The following TYW1 variants were observed in gnomAD, a reference collection of about 807,000 sequenced individuals.
TYW1 encodes the protein tRNA-yW synthesizing protein 1 homolog, also known as S-adenosyl-L-methionine-dependent tRNA 4-demethylwyosine synthase TYW1.
Under a neutral mutation model 96.2 loss-of-function variants are expected in TYW1, and 46 were observed. That is an observed-to-expected ratio of 0.48 (90% CI 0.38 to 0.61). The LOEUF is 0.61. Among genes scored for constraint, TYW1 ranks in the 20% least tolerant of loss-of-function variants. The pLI is 0.00. For missense variants in TYW1, 684 were observed against 909.6 expected (o/e 0.75, Z 3.19); for synonymous variants, 274 against 323.0 (o/e 0.85, Z 1.63).
At chr7:67,119,473 G>C (rs1318329799) in intron 13 of TYW1, among the ~76,000 whole-genome samples, 5 of 152,048 alleles carry the variant, frequency 3.3e-5, no homozygotes, top group African/African-American at 1.2e-4. Context: ...TTCTGCACAT[G>C]TACCCACCAC....
intron 8 of TYW1, 58 bp downstream of exon 8, chr7:67,050,124 T>C (rs754918100): frequency 1.9e-6 from 3 of 1,580,764 alleles, no homozygotes; most frequent in Non-Finnish European, 2.6e-6. Context: ...TCTCATTTGA[T>C]ACCTGGAATG....
chr7:67,069,024 C>T (rs1303814138), intron 10 of TYW1, among the ~76,000 whole-genome samples: 1 of 152,170 alleles, frequency 6.6e-6, no homozygotes, highest in Non-Finnish European at 1.5e-5. Flanking sequence ...ACTTTCTAGT[C>T]AATGTCATCT....
intron 2 of TYW1, 135 bp from the exon 3 acceptor site, chr7:66,998,682 A>G: frequency 9.4e-7 from 1 of 1,065,716 alleles, no homozygotes; most frequent in Non-Finnish European, 1.3e-6. Context: ...ACAACCAGAA[A>G]GATTAAGAGA....
chr7:67,222,317 TTACTG>T (rs1206122095), intron 15 of TYW1, among the ~76,000 whole-genome samples: 2 of 152,226 alleles, frequency 1.3e-5, no homozygotes, highest in Non-Finnish European at 2.9e-5. Context: ...CAGCTTCAAA[TTACTG>T]TCTAGTGCCC....
chr7:67,229,680 G>A (rs1801685218), intron 15 of TYW1, among the ~76,000 whole-genome samples: 1 of 152,196 alleles, frequency 6.6e-6, no homozygotes, highest in African/African-American at 2.4e-5. Flanking sequence ...CTGGCCAGGT[G>A]AGGTGGCTCA....
chr7:67,037,255 C>T (rs952535118), intron 7 of TYW1, among the ~76,000 whole-genome samples: 1 of 152,188 alleles, frequency 6.6e-6, no homozygotes, highest in South Asian at 2.1e-4. Flanking sequence ...CACCTGTCAT[C>T]CCAGCATTTT....
chr7:67,081,516 T>C (rs1390132276), intron 10 of TYW1, among the ~76,000 whole-genome samples: 1 of 151,990 alleles, frequency 6.6e-6, no homozygotes, highest in Non-Finnish European at 1.5e-5. Context: ...TTTTCAGCTT[T>C]TATTTCATTA....
intron 15 of TYW1, among the ~76,000 whole-genome samples, chr7:67,229,213 G>A (rs2116440959): frequency 6.6e-6 from 1 of 152,256 alleles, no homozygotes; most frequent in Non-Finnish European, 1.5e-5. Context: ...TGTTTAGACT[G>A]AATGCCAAGA....
chr7:67,207,138 G>A (rs1465651743), intron 15 of TYW1, among the ~76,000 whole-genome samples: 1 of 152,168 alleles, frequency 6.6e-6, no homozygotes, highest in African/African-American at 2.4e-5. Flanking sequence ...ACTTCTGTCA[G>A]ATCTGTATGT....
intron 7 of TYW1, among the ~76,000 whole-genome samples, chr7:67,046,349 G>A (rs569539885): frequency 5.6e-4 from 85 of 152,072 alleles, no homozygotes; most frequent in Non-Finnish European, 1.1e-3. Context: ...ATCTGTGCTC[G>A]AGTTACCTGA....
chr7:67,112,433 T>C (rs1797450609), intron 12 of TYW1, among the ~76,000 whole-genome samples: 1 of 151,938 alleles, frequency 6.6e-6, no homozygotes, highest in South Asian at 2.1e-4. Context: ...CTGGCCAACA[T>C]GGCAAAACCC....
Position 67,106,644 on chromosome 7 carries a change from G to A in TYW1, c.1562+7926G>A, listed in dbSNP as rs186810267. Among the ~76,000 whole-genome samples the A allele has an allele frequency of 3.3e-3, 508 of 152,310 alleles. 4 individuals are homozygous for A. The highest frequency in any genetic ancestry group is 0.011 in the African/African-American group (466 of 41,570). The stretch of plus-strand genomic sequence containing the variant: ...CATCTCCCACTTCATGAGTGTGCCA[G>A]AGTTCAGAGTCAAATTTGTAGTCAT... On this transcript the variant is annotated intron_variant, in intron 12 of 15. Coordinates refer to ENST00000359626, the MANE Select transcript of TYW1 (RefSeq NM_018264.4).
chr7:67,039,994 T>C (rs149100580), intron 7 of TYW1, among the ~76,000 whole-genome samples: 2,536 of 148,840 alleles, frequency 0.017, 33 homozygotes, highest in Admixed American at 0.046. Flanking sequence ...TCTCACTGTG[T>C]CACCTAGGCT....
At chr7:67,156,405 G>T (rs1339953379) in intron 13 of TYW1, among the ~76,000 whole-genome samples, 1 of 152,246 alleles carries the variant, frequency 6.6e-6, no homozygotes, top group African/African-American at 2.4e-5. Context: ...CATGCCCAGA[G>T]AAACCACGTT....
chr7:67,022,659 A>G (rs1031433297), intron 6 of TYW1, among the ~76,000 whole-genome samples: 1 of 152,218 alleles, frequency 6.6e-6, no homozygotes, highest in African/African-American at 2.4e-5. Flanking sequence ...CACGTGGTGT[A>G]CTTGTCTCTT....
At chr7:67,188,377 A>T (rs1483735680) in intron 14 of TYW1, among the ~76,000 whole-genome samples, 1 of 152,154 alleles carries the variant, frequency 6.6e-6, no homozygotes, top group African/African-American at 2.4e-5. Flanking sequence ...TCCATAAAAC[A>T]TTTGATAAGA....
chr7:67,158,082 A>ATTT (rs560215948), intron 13 of TYW1, among the ~76,000 whole-genome samples: 3,169 of 101,916 alleles, frequency 0.031, 96 homozygotes, highest in Middle Eastern at 0.07. Context: ...TTTGCTGAGG[A>ATTT]TTTTTTTTTT....
chr7:67,047,250 C>T (rs1795214451), intron 7 of TYW1, among the ~76,000 whole-genome samples: 1 of 152,044 alleles, frequency 6.6e-6, no homozygotes, highest in Admixed American at 6.6e-5. Context: ...CAAGCTCACA[C>T]CTTTGCTTTT....
At chr7:67,050,569 T>TTAA (rs1795321987) in intron 8 of TYW1, among the ~76,000 whole-genome samples, 1 of 152,178 alleles carries the variant, frequency 6.6e-6, no homozygotes, top group South Asian at 2.1e-4. Flanking sequence ...AGGCCTTTTA[T>TTAA]GTGACCGTTC....
Sources: gnomAD v4.1 joint callset for allele counts (sites outside exome capture counted in the v4.1 genomes callset) on GRCh38, gnomAD v4.1.1 for gene constraint, MANE v1.5 for transcripts, NCBI Gene and HGNC (gene_info 2026-07-23, HGNC 2026-07-21) for gene names.